Variants in DLC1 observed in about 807,000 individuals in gnomAD.
DLC1 encodes rho GTPase-activating protein 7.
In DLC1, 54 loss-of-function variants were observed where a neutral mutation model predicts 140.3. The observed-to-expected ratio is 0.38, with a 90% CI of 0.31 to 0.48. The LOEUF (loss-of-function observed/expected upper bound fraction) is 0.48, where lower values mean the gene tolerates loss of function less well. DLC1 is among the 20% of genes least tolerant of loss of function. DLC1 has a pLI of 0.96. For missense variants in DLC1, 2,536 were observed against 1,907.0 expected, an observed-to-expected ratio of 1.33 and a Z score of -6.14; for synonymous variants, 986 against 728.1, an observed-to-expected ratio of 1.35 and a Z score of -5.70.
chr8:13,170,213 T>G (rs1192508284), intron 5 of DLC1, among the ~76,000 whole-genome samples: 1 of 152,182 alleles, frequency 6.6e-6, no homozygotes. Flanking sequence ...ATGGAGATGT[T>G]ATGATGGATA....
intron 4 of DLC1, among the ~76,000 whole-genome samples, chr8:13,334,390 G>C (rs1019547486): frequency 6.6e-6 from 1 of 152,140 alleles, no homozygotes; most frequent in Admixed American, 6.5e-5. Flanking sequence ...CCCTGGAGGA[G>C]TTTTATGTTG....
At chr8:13,355,825 C>T (rs1487652378) in intron 4 of DLC1, among the ~76,000 whole-genome samples, 1 of 151,948 alleles carries the variant, frequency 6.6e-6, no homozygotes, top group African/African-American at 2.4e-5. Context: ...TGGCTCACAC[C>T]TGTAATCCCA....
intron 5 of DLC1, chr8:13,133,086 C>G: frequency 6.5e-7 from 1 of 1,529,222 alleles, no homozygotes; most frequent in Non-Finnish European, 8.8e-7. Flanking sequence ...CGCGCGCCCT[C>G]GCGGTCCTCA....
At chr8:13,581,975 G>T (rs1289955102) in intron 1 of DLC1, among the ~76,000 whole-genome samples, 1 of 152,176 alleles carries the variant, frequency 6.6e-6, no homozygotes, top group Non-Finnish European at 1.5e-5. Flanking sequence ...GTGTGAGTGT[G>T]TGTGTGGGTG....
chr8:13,509,779 T>C (rs145022757), intron 1 of DLC1, among the ~76,000 whole-genome samples: 64 of 152,144 alleles, frequency 4.2e-4, no homozygotes, highest in African/African-American at 1.2e-3. Context: ...TTGTCTCCCA[T>C]TTTTGTGAGG....
At chr8:13,596,789 G>A (rs533596378) in intron 1 of DLC1, among the ~76,000 whole-genome samples, 3 of 152,144 alleles carry the variant, frequency 2.0e-5, no homozygotes, top group South Asian at 4.1e-4. Context: ...GAGCTAAGAA[G>A]TTGGAGCTCA....
intron 5 of DLC1, among the ~76,000 whole-genome samples, chr8:13,255,457 G>T (rs1346761666): frequency 1.3e-5 from 2 of 152,252 alleles, no homozygotes; most frequent in East Asian, 3.9e-4. Context: ...GCCCATCTCT[G>T]TATCCTCATA....
At chr8:13,298,226 A>G (rs899955139) in intron 5 of DLC1, among the ~76,000 whole-genome samples, 1 of 152,192 alleles carries the variant, frequency 6.6e-6, no homozygotes, top group Admixed American at 6.5e-5. Context: ...GAGAATAAAC[A>G]TTCTGAGAAA....
At chr8:13,089,302 G>C (rs1433358477) in intron 15 of DLC1, among the ~76,000 whole-genome samples, 1 of 150,198 alleles carries the variant, frequency 6.7e-6, no homozygotes, top group Non-Finnish European at 1.5e-5. Flanking sequence ...TTTTTTTTCT[G>C]GGACCTATAT....
chr8:13,182,862 A>G (rs1826121998), intron 5 of DLC1, among the ~76,000 whole-genome samples: 1 of 152,138 alleles, frequency 6.6e-6, no homozygotes, highest in Admixed American at 6.6e-5. Context: ...GAAGAAAGTC[A>G]TTGGTAGCTT....
At position 13,414,609 on chromosome 8, in the gene DLC1, T is replaced by A. The variant is rs568539530; in HGVS notation, c.1024-12990A>T. On this transcript the variant is annotated intron_variant, in intron 2 of 17. Coordinates refer to ENST00000276297, the MANE Select transcript of DLC1 (RefSeq NM_182643.3). ...TTTCTACCATAAACCCAAACTGACA[T>A]TTTCTAAGAAGTGACATAATGGGAC... Among the ~76,000 whole-genome samples the A allele has an allele frequency of 2.6e-5, 4 of 152,264 alleles. No homozygotes were observed. The East Asian group carries it at 7.7e-4, about 29-fold the overall frequency.
intron 5 of DLC1, among the ~76,000 whole-genome samples, chr8:13,186,548 T>A (rs1436560062): frequency 6.6e-6 from 1 of 152,162 alleles, no homozygotes; most frequent in Non-Finnish European, 1.5e-5. Flanking sequence ...TAGCCATTCG[T>A]CTAATCTTTT....
At chr8:13,200,851 G>GC (rs1563159816) in intron 5 of DLC1, among the ~76,000 whole-genome samples, 2 of 152,098 alleles carry the variant, frequency 1.3e-5, no homozygotes, top group African/African-American at 2.4e-5. Context: ...TCCAGACTTG[G>GC]CCCCCCAAAC....
chr8:13,450,475 A>G (rs935738346), intron 2 of DLC1, among the ~76,000 whole-genome samples: 1 of 149,264 alleles, frequency 6.7e-6, no homozygotes, highest in Non-Finnish European at 1.5e-5. Context: ...AAAAAAAAAA[A>G]GGCCGAAGAG....
chr8:13,357,523 C>T (rs1449590521), intron 4 of DLC1, among the ~76,000 whole-genome samples: 2 of 152,112 alleles, frequency 1.3e-5, no homozygotes, highest in Non-Finnish European at 2.9e-5. Context: ...TGAAGTTAAG[C>T]CTGGGGTAAT....
At chr8:13,358,352 C>A (rs982946461) in intron 4 of DLC1, among the ~76,000 whole-genome samples, 1 of 152,132 alleles carries the variant, frequency 6.6e-6, no homozygotes, top group Admixed American at 6.5e-5. Context: ...TTTGTCACCC[C>A]CAGGTTAGTG....
intron 5 of DLC1, among the ~76,000 whole-genome samples, chr8:13,117,349 G>A (rs1340013785): frequency 6.6e-6 from 1 of 151,854 alleles, no homozygotes; most frequent in Non-Finnish European, 1.5e-5. Context: ...GTGGTGGTGT[G>A]CTCCTGTAGT....
chr8:13,526,354 T>G (rs1456501972), intron 1 of DLC1, among the ~76,000 whole-genome samples: 1 of 152,196 alleles, frequency 6.6e-6, no homozygotes, highest in Non-Finnish European at 1.5e-5. Flanking sequence ...TAAAAAAGAC[T>G]GTTGGGATTT....
chr8:13,491,418 A>G (rs1171394425), intron 2 of DLC1, among the ~76,000 whole-genome samples: 1 of 152,120 alleles, frequency 6.6e-6, no homozygotes, highest in Non-Finnish European at 1.5e-5. Flanking sequence ...AAGCATGTGT[A>G]TGTTACTTAC....
Sources: gnomAD v4.1 joint callset for allele counts (sites outside exome capture counted in the v4.1 genomes callset) on GRCh38, gnomAD v4.1.1 for gene constraint, MANE v1.5 for transcripts, NCBI Gene and HGNC (gene_info 2026-07-23, HGNC 2026-07-21) for gene names.